The following HSD17B12 variants were observed in gnomAD, a reference collection of about 807,000 sequenced individuals.
HSD17B12 encodes the protein very-long-chain 3-oxoacyl-CoA reductase.
Under a neutral mutation model 39.3 loss-of-function variants are expected in HSD17B12, and 32 were observed. The observed-to-expected ratio is 0.81, with a 90% CI of 0.61 to 1.09. HSD17B12 has a LOEUF of 1.09. Ranked by LOEUF, HSD17B12 falls within the 50% of genes least tolerant of loss-of-function variation. The pLI, the probability that HSD17B12 is intolerant of heterozygous loss-of-function variation, is 0.00. For synonymous variants in HSD17B12, 150 were observed against 146.7 expected (o/e 1.02, Z -0.16); for missense variants, 342 against 382.9 (o/e 0.89, Z 0.89).
chr11:43,579,675 G>A, the HSD17B12 span, among the ~76,000 whole-genome samples: 7 of 152,246 alleles, frequency 4.6e-5, no homozygotes, highest in East Asian at 3.9e-4. Flanking sequence ...GGCGCGGCGG[G>A]CGCGCAGACG....
chr11:43,698,278 C>G (rs1488947323), intron 1 of HSD17B12, among the ~76,000 whole-genome samples: 1 of 152,134 alleles, frequency 6.6e-6, no homozygotes, highest in Non-Finnish European at 1.5e-5. Context: ...TGATTTCTGA[C>G]AGGTTCTATG....
the HSD17B12 span, among the ~76,000 whole-genome samples, chr11:43,568,383 G>A: frequency 6.6e-6 from 1 of 152,018 alleles, no homozygotes; most frequent in African/African-American, 2.4e-5. Flanking sequence ...GATTACAGGC[G>A]TGAGCCACTG....
chr11:43,706,306 G>A (rs1950014245), intron 1 of HSD17B12, among the ~76,000 whole-genome samples: 1 of 152,198 alleles, frequency 6.6e-6, no homozygotes. Flanking sequence ...CACTTTGGGA[G>A]GCCGAGGTGG....
At chr11:43,780,852 G>A (rs1950758214) in intron 3 of HSD17B12, among the ~76,000 whole-genome samples, 1 of 152,100 alleles carries the variant, frequency 6.6e-6, no homozygotes, top group Non-Finnish European at 1.5e-5. Flanking sequence ...TAGAATATAT[G>A]TGGCCCTGCC....
chr11:43,738,665 C>T (rs11037589), intron 1 of HSD17B12, among the ~76,000 whole-genome samples: 11,214 of 152,186 alleles, frequency 0.074, 605 homozygotes, highest in Non-Finnish European at 0.11. Context: ...TTCACTCATC[C>T]ATTCATACAG....
chr11:43,819,421 G>T (rs751891598), intron 6 of HSD17B12, among the ~76,000 whole-genome samples: 11 of 152,132 alleles, frequency 7.2e-5, no homozygotes, highest in Non-Finnish European at 1.6e-4. Flanking sequence ...CTTCATGCAG[G>T]ATCTGAGCAC....
intron 3 of HSD17B12, among the ~76,000 whole-genome samples, chr11:43,786,535 C>T (rs1231425700): frequency 6.6e-6 from 1 of 152,158 alleles, no homozygotes; most frequent in Non-Finnish European, 1.5e-5. Context: ...TTTTGACTCT[C>T]AGGGATCATG....
chr11:43,762,809 T>A (rs1361803791), intron 3 of HSD17B12, among the ~76,000 whole-genome samples: 1 of 152,252 alleles, frequency 6.6e-6, no homozygotes, highest in Non-Finnish European at 1.5e-5. Context: ...AATCAATTTG[T>A]TCATAGTTGT....
In HSD17B12 at chr11:43,831,160, T is replaced by G. The variant is rs1951306355; in HGVS notation, c.536+150T>G. The G allele has an allele frequency of 9.8e-6, 6 of 612,662 alleles. No homozygotes were observed. In the South Asian group the frequency reaches 1.4e-4, roughly 14 times the overall value. The allele number at this position is 612,662 out of a possible 1,614,324, so 38.0% of individuals were successfully genotyped here. A position where few individuals can be genotyped will look rare whatever the true frequency, so the allele number is the denominator to read the frequency against. On this transcript the variant is annotated intron_variant, in intron 7 of 10. Coordinates refer to ENST00000278353, the MANE Select transcript of HSD17B12 (RefSeq NM_016142.3). This position sits in a 1 kb window ranked among gnomAD's most constrained non-coding sequence, Gnocchi z 4.1. ...GAGTGATGTACCAGGCGAGTCACAG[T>G]AGAGCATGAGTCATCGGTGGTGGAG...
the HSD17B12 span, among the ~76,000 whole-genome samples, chr11:43,660,528 A>G: frequency 6.6e-6 from 1 of 152,242 alleles, no homozygotes; most frequent in Non-Finnish European, 1.5e-5. Flanking sequence ...ACACCACTAC[A>G]TATCAATGAG....
chr11:43,736,777 T>C (rs1302232392), intron 1 of HSD17B12, among the ~76,000 whole-genome samples: 1 of 152,192 alleles, frequency 6.6e-6, no homozygotes, highest in Admixed American at 6.5e-5. Flanking sequence ...CTCTTCTTTG[T>C]TCTTTGTTAA....
chr11:43,729,274 T>C (rs994985457), intron 1 of HSD17B12, among the ~76,000 whole-genome samples: 1 of 152,346 alleles, frequency 6.6e-6, no homozygotes, highest in Admixed American at 6.5e-5. Context: ...TAGAATTTAA[T>C]AAAATACCAA....
chr11:43,662,076 T>C, the HSD17B12 span, among the ~76,000 whole-genome samples: 1 of 152,294 alleles, frequency 6.6e-6, no homozygotes, highest in African/African-American at 2.4e-5. Flanking sequence ...GGTGCACGCC[T>C]GTAATCTTAG....
At chr11:43,694,250 G>T (rs1449663363) in intron 1 of HSD17B12, among the ~76,000 whole-genome samples, 1 of 152,182 alleles carries the variant, frequency 6.6e-6, no homozygotes, top group Non-Finnish European at 1.5e-5. Flanking sequence ...TACACAGATA[G>T]TAAGTAGCAG....
chr11:43,744,334 A>G (rs896518828), intron 1 of HSD17B12, among the ~76,000 whole-genome samples: 1 of 152,094 alleles, frequency 6.6e-6, no homozygotes, highest in African/African-American at 2.4e-5. Context: ...AGACTAAGTG[A>G]TAATTGTAAA....
the HSD17B12 span, among the ~76,000 whole-genome samples, chr11:43,630,387 A>C: frequency 2.0e-5 from 3 of 152,230 alleles, no homozygotes; most frequent in Non-Finnish European, 2.9e-5. Context: ...GGGCCCAGCT[A>C]TACTCAAAGC....
chr11:43,584,880 G>A, the HSD17B12 span, among the ~76,000 whole-genome samples: 1 of 152,200 alleles, frequency 6.6e-6, no homozygotes, highest in South Asian at 2.1e-4. Flanking sequence ...ATAAGGCATA[G>A]GACTTCATAG....
At chr11:43,812,085 G>A (rs1267430651) in intron 4 of HSD17B12, among the ~76,000 whole-genome samples, 2 of 152,064 alleles carry the variant, frequency 1.3e-5, no homozygotes, top group Non-Finnish European at 2.9e-5. Context: ...ATTTTATTGT[G>A]TATATATACT....
chr11:43,688,003 G>A (rs1949817722), intron 1 of HSD17B12, among the ~76,000 whole-genome samples: 1 of 152,178 alleles, frequency 6.6e-6, no homozygotes, highest in Non-Finnish European at 1.5e-5. Flanking sequence ...CTTGAGGCCA[G>A]GAGTTTCAGA....
Sources: allele counts gnomAD v4.1 joint callset (sites outside exome capture counted in the v4.1 genomes callset), GRCh38; gene constraint gnomAD v4.1.1; non-coding constraint Gnocchi (gnomAD v3.1); transcripts MANE v1.5; gene names NCBI Gene and HGNC (gene_info 2026-07-23, HGNC 2026-07-21).